Variants in NFE2L3 observed in about 807,000 individuals in gnomAD.
NFE2L3 encodes the protein NFE2 like bZIP transcription factor 3, also known as nuclear factor erythroid 2-related factor 3.
In NFE2L3, 18 loss-of-function variants were observed where a neutral mutation model predicts 23.5. That is an observed-to-expected ratio of 0.77 (90% CI 0.53 to 1.13). The LOEUF (loss-of-function observed/expected upper bound fraction) is 1.13. Ranked by LOEUF, NFE2L3 falls within the 50% of genes most tolerant of loss-of-function variation. The probability of loss-of-function intolerance (pLI) is 0.00; values close to 1 mark genes in which losing one functional copy is unlikely to be tolerated. For synonymous variants in NFE2L3, 424 were observed against 354.5 expected (o/e 1.20, Z -2.20); for missense variants, 1,152 against 877.2 (o/e 1.31, Z -3.96).
intron 1 of NFE2L3, among the ~76,000 whole-genome samples, chr7:26,163,144 C>T (rs571948408): frequency 3.9e-5 from 6 of 152,136 alleles, no homozygotes; most frequent in Non-Finnish European, 7.3e-5. Flanking sequence ...TCTCTGTCCG[C>T]CCCTCTATTC....
chr7:26,177,745 T>A (rs1038464178), intron 1 of NFE2L3, among the ~76,000 whole-genome samples, 198 bp from the exon 2 acceptor site: 1 of 152,250 alleles, frequency 6.6e-6, no homozygotes, highest in Non-Finnish European at 1.5e-5. Context: ...TAATTTAAAT[T>A]GCACAGATTA....
chr7:26,164,221 G>A (rs183923892), intron 1 of NFE2L3, among the ~76,000 whole-genome samples: 37 of 152,264 alleles, frequency 2.4e-4, no homozygotes, highest in African/African-American at 8.4e-4. Context: ...AGATCCCTGA[G>A]GAATCGCCAC....
At chr7:26,180,408 TATTTCCTAATTAATGGATGC>T (rs1207344293) in intron 2 of NFE2L3, among the ~76,000 whole-genome samples, 1 of 152,340 alleles carries the variant, frequency 6.6e-6, no homozygotes. Context: ...CTGACTTATC[TATTTCCTAATTAATGGATGC>T]ATTGTATGGT....
At chr7:26,182,249 G>A (rs1338382614) in intron 2 of NFE2L3, among the ~76,000 whole-genome samples, 3 of 151,970 alleles carry the variant, frequency 2.0e-5, no homozygotes, top group Non-Finnish European at 4.4e-5. Context: ...AGTAATAAAT[G>A]CCATAAGACA....
chr7:26,159,060 T>A (rs1784128678), intron 1 of NFE2L3, among the ~76,000 whole-genome samples: 1 of 152,224 alleles, frequency 6.6e-6, no homozygotes, highest in Non-Finnish European at 1.5e-5. Flanking sequence ...AAGCACACCT[T>A]GGTTCGTCTC....
chr7:26,182,476 T>G (rs1420844394), intron 2 of NFE2L3, among the ~76,000 whole-genome samples: 2 of 151,780 alleles, frequency 1.3e-5, no homozygotes, highest in Non-Finnish European at 2.9e-5. Flanking sequence ...ATATAAAAAT[T>G]GGCCAGGCGC....
chr7:26,153,793 A>C (rs944501466), intron 1 of NFE2L3, among the ~76,000 whole-genome samples: 3 of 152,202 alleles, frequency 2.0e-5, no homozygotes, highest in African/African-American at 7.2e-5. Flanking sequence ...CAAGTTTACC[A>C]AGATCTGTTG....
Position 26,184,791 on chromosome 7 carries a change from C to A in NFE2L3, c.1093C>A (p.Leu365Ile), listed in dbSNP as rs779498257. The stretch of plus-strand genomic sequence containing the variant: ...TCCTGGAACTAATTTGACAGGATTT[C>A]TTTCACCGGTTGACAATCATATGAG... ...TLPGTNLTGFLSPVDNHMRNL... is the reference protein window; with the variant it reads ...TLPGTNLTGFISPVDNHMRNL... Residue 365 changes from leucine (L) to isoleucine (I), a missense_variant, in exon 4 of 4, where the codon CTT becomes ATT. Transcript: ENST00000056233. The A allele has an allele frequency of 8.7e-6, 14 of 1,613,936 alleles. No individual in the cohort carries two copies. Among genetic ancestry groups the A allele is most frequent in the Non-Finnish European group, 1.2e-5 (14 of 1,179,844 alleles).
chr7:26,170,670 C>A (rs1425283497), intron 1 of NFE2L3, among the ~76,000 whole-genome samples: 2 of 152,182 alleles, frequency 1.3e-5, no homozygotes, highest in African/African-American at 4.8e-5. Flanking sequence ...GGATTTCTTT[C>A]AAATATTCCA....
At position 26,181,907 on chromosome 7, in the gene NFE2L3, G is replaced by C. The variant is rs556363616; in HGVS notation, c.751-1794G>C. Among the ~76,000 whole-genome samples, 10 of 152,064 alleles carry C rather than the reference G, an allele frequency of 6.6e-5. No homozygotes were observed. In the South Asian group the frequency reaches 1.9e-3, roughly 28 times the overall value. Reference sequence around the variant, plus strand: ...AGGGTAAGTTGGAAGAAAGATCTAAGAAAATTATCTAGAATATACCAGAGA... The same window carrying C: ...AGGGTAAGTTGGAAGAAAGATCTAACAAAATTATCTAGAATATACCAGAGA... On this transcript the variant is annotated intron_variant, in intron 2 of 3. Coordinates refer to ENST00000056233, the MANE Select transcript of NFE2L3 (RefSeq NM_004289.7).
chr7:26,152,366 C>T lies in NFE2L3; in HGVS notation c.-133C>T. ...GAACCCGCGACGGCCGCCACGCGCC[C>T]CGGTCCATTGTTTCGCTTATCTGGG... On this transcript the variant is annotated 5_prime_UTR_variant, in exon 1 of 4. Transcript: ENST00000056233. The surrounding 1 kb of genome is among the most constrained non-coding windows in gnomAD (Gnocchi z 4.4). The T allele has an allele frequency of 1.8e-6, 1 of 565,402 alleles. No individual in the cohort carries two copies. Among genetic ancestry groups the T allele is most frequent in the Non-Finnish European group, 2.5e-6 (1 of 404,384 alleles). The allele number at this position is 565,402 out of a possible 1,614,324, so 35.0% of individuals were successfully genotyped here.
chr7:26,161,395 G>T (rs1258056984), intron 1 of NFE2L3, among the ~76,000 whole-genome samples: 1 of 129,632 alleles, frequency 7.7e-6, no homozygotes, highest in Non-Finnish European at 1.5e-5. Flanking sequence ...GTTTCTCCAA[G>T]GGTCTAAGGG....
At chr7:26,169,514 G>A (rs1418229610) in intron 1 of NFE2L3, among the ~76,000 whole-genome samples, 1 of 152,192 alleles carries the variant, frequency 6.6e-6, no homozygotes, top group Non-Finnish European at 1.5e-5. Context: ...GGCTGCTGGA[G>A]GCTGGCTGCC....
At chr7:26,167,444 A>G (rs1472770240) in intron 1 of NFE2L3, among the ~76,000 whole-genome samples, 1 of 152,122 alleles carries the variant, frequency 6.6e-6, no homozygotes, top group East Asian at 1.9e-4. Flanking sequence ...CCAGTTCTGT[A>G]CAAGTCAGTA....
At position 26,152,908 on chromosome 7, in the gene NFE2L3, G is replaced by A; in HGVS notation, c.410G>A (p.Gly137Glu). 1.4e-6 allele frequency: 2 copies of A among 1,446,614 alleles called. No individual in the cohort carries two copies. The highest frequency in any genetic ancestry group is 1.8e-6 in the Non-Finnish European group (2 of 1,110,984). The allele number at this position is 1,446,614 out of a possible 1,614,324, so 89.6% of individuals were successfully genotyped here. A position where few individuals can be genotyped will look rare whatever the true frequency, so the allele number is the denominator to read the frequency against. ...GGCGCCGCCGCCGCCTCGTCCACCG[G>A]AGGAGCCGGCGCCAGCGTGGACGGC... Reference protein sequence around the residue: ...LLGAAAASSTGGAGASVDGGS... With the variant: ...LLGAAAASSTEGAGASVDGGS... The change falls in exon 1 of 4, where the codon GGA becomes GAA. Residue 137 changes from glycine to glutamate, a missense_variant. Gly to Glu is a moderately conservative substitution (Grantham distance 98). Coordinates refer to ENST00000056233, the MANE Select transcript of NFE2L3 (RefSeq NM_004289.7). This position sits in a 1 kb window ranked among gnomAD's most constrained non-coding sequence, Gnocchi z 4.4.
Position 26,184,673 on chromosome 7 carries a change from T to C in NFE2L3, c.975T>C (p.Asn325=), listed in dbSNP as rs772340722. ...AGGCCATCTTGCTTTGTCCCAACAATACATTTAGAAGAGATCCAACAGCAA... is the reference window on the plus strand; with the variant it reads ...AGGCCATCTTGCTTTGTCCCAACAACACATTTAGAAGAGATCCAACAGCAA... ...LHEAILLCPN[N]TFRRDPTART... The change falls in exon 4 of 4, where the codon AAT becomes AAC. Residue 325 remains asparagine, a synonymous_variant. Coordinates refer to ENST00000056233, the MANE Select transcript of NFE2L3 (RefSeq NM_004289.7). The C allele has an allele frequency of 6.8e-6, 11 of 1,613,904 alleles. No homozygotes were observed. The highest frequency in any genetic ancestry group is 1.1e-5 in the South Asian group (1 of 91,076).
chr7:26,186,712 T>G lies in NFE2L3; in HGVS notation c.*929T>G, dbSNP rs1176027693. ...TCTCACCAGAACACTGTAAGCCATA[T>G]AAACAGTAGGGAAAGAGTCAGCAAC... On this transcript the variant is annotated 3_prime_UTR_variant, in exon 4 of 4. Coordinates refer to ENST00000056233, the MANE Select transcript of NFE2L3 (RefSeq NM_004289.7). 1 of 152,128 alleles carries G rather than the reference T, an allele frequency of 6.6e-6. No individual in the cohort carries two copies. The highest frequency in any genetic ancestry group is 1.5e-5 in the Non-Finnish European group (1 of 68,028). 9.4% of individuals were successfully genotyped at this position (152,128 alleles called of 1,614,324 possible). A position where few individuals can be genotyped will look rare whatever the true frequency, so the allele number is the denominator to read the frequency against.
chr7:26,152,795 G>C lies in NFE2L3; in HGVS notation c.297G>C (p.Gly99=). ...GQLLREVRAL[G]VPFVPRTSVD... Reference sequence around the variant, plus strand: ...TGCTCCGGGAGGTGCGCGCGCTCGGGGTCCCCTTCGTCCCTCGCACCAGCG... The same window carrying C: ...TGCTCCGGGAGGTGCGCGCGCTCGGCGTCCCCTTCGTCCCTCGCACCAGCG... Residue 99 remains glycine, a synonymous_variant, in exon 1 of 4, where the codon GGG becomes GGC. Transcript: ENST00000056233. This position sits in a 1 kb window ranked among gnomAD's most constrained non-coding sequence, Gnocchi z 4.4. 2 of 1,486,566 alleles carry C rather than the reference G, an allele frequency of 1.3e-6. No individual in the cohort carries two copies. The highest frequency in any genetic ancestry group is 1.8e-6 in the Non-Finnish European group (2 of 1,126,042). The allele number at this position is 1,486,566 out of a possible 1,614,324, so 92.1% of individuals were successfully genotyped here. A position where few individuals can be genotyped will look rare whatever the true frequency, so the allele number is the denominator to read the frequency against.
intron 1 of NFE2L3, among the ~76,000 whole-genome samples, chr7:26,172,676 TTA>T (rs1443955515): frequency 5.3e-5 from 8 of 152,330 alleles, no homozygotes; most frequent in African/African-American, 1.9e-4. Flanking sequence ...CAATGTTGAT[TTA>T]TCTGATGTTT....
Sources: allele counts gnomAD v4.1 joint callset (sites outside exome capture counted in the v4.1 genomes callset), GRCh38; gene constraint gnomAD v4.1.1; non-coding constraint Gnocchi (gnomAD v3.1); transcripts MANE v1.5; gene names NCBI Gene and HGNC (gene_info 2026-07-23, HGNC 2026-07-21).